The following CABP1 variants were observed in gnomAD, a reference collection of about 807,000 sequenced individuals.
CABP1 encodes the protein calcium-binding protein 1.
Under a neutral mutation model 34.3 loss-of-function variants are expected in CABP1, and 17 were observed. The observed-to-expected ratio is 0.50, with a 90% CI of 0.34 to 0.74. The LOEUF (loss-of-function observed/expected upper bound fraction) is 0.74, where lower values mean the gene tolerates loss of function less well. CABP1 is among the 30% of genes least tolerant of loss of function. The pLI, the probability that CABP1 is intolerant of heterozygous loss-of-function variation, is 0.01. For synonymous variants in CABP1, 198 were observed against 229.2 expected, an observed-to-expected ratio of 0.86 and a Z score of 1.23; for missense variants, 373 against 511.1, an observed-to-expected ratio of 0.73 and a Z score of 2.61.
At position 120,655,824 on chromosome 12, in the gene CABP1, TGC is replaced by T. The variant is rs751269881; in HGVS notation, c.655-4052_655-4051del. 273 of 1,469,600 alleles carry T rather than the reference TGC, an allele frequency of 1.9e-4. 1 individual carries two copies. In the South Asian group the frequency reaches 2.9e-3, roughly 16 times the overall value. 91.0% of individuals were successfully genotyped at this position (1,469,600 alleles called of 1,614,324 possible). ...CTGTGCATATGTATGTGCCAGTGCGTGCGTGCGTGTGTGTGTGTGTGTGTGTG... is the reference window on the plus strand; with the variant it reads ...CTGTGCATATGTATGTGCCAGTGCGTGTGCGTGTGTGTGTGTGTGTGTGTG... On this transcript the variant is annotated intron_variant, in intron 1 of 5. Transcript: ENST00000316803.
Position 120,661,801 on chromosome 12 carries a change from T to A in CABP1, c.1087+583T>A, listed in dbSNP as rs1341081018. The A allele has an allele frequency of 6.5e-6, 1 of 153,626 alleles. No individual in the cohort carries two copies. The highest frequency in any genetic ancestry group is 1.5e-5 in the Non-Finnish European group (1 of 68,926). 9.5% of individuals were successfully genotyped at this position (153,626 alleles called of 1,614,324 possible). ...TTTCATCTGTTTATCTCCTTATCTG[T>A]CCAGATGCCTATTTATCCATTCCTC... On this transcript the variant is annotated intron_variant, in intron 5 of 5. Coordinates refer to ENST00000316803, the MANE Select transcript of CABP1 (RefSeq NM_001033677.2). This position sits in a 1 kb window ranked among gnomAD's most constrained non-coding sequence, Gnocchi z 5.1.
chr12:120,646,492 C>T (rs1014054780), intron 1 of CABP1, among the ~76,000 whole-genome samples: 1 of 152,058 alleles, frequency 6.6e-6, no homozygotes, highest in African/African-American at 2.4e-5. Flanking sequence ...TACAGGAAGC[C>T]CCCACCGTTC....
chr12:120,679,305 T>C, the CABP1 span, among the ~76,000 whole-genome samples: 3 of 152,192 alleles, frequency 2.0e-5, no homozygotes, highest in East Asian at 3.9e-4. Context: ...GGAAAAGAAG[T>C]ATATTAGATG....
chr12:120,659,814 G>T (rs1880509295), intron 1 of CABP1, 64 bp from the exon 2 acceptor site: 5 of 1,543,824 alleles, frequency 3.2e-6, no homozygotes, highest in Admixed American at 1.7e-5. Context: ...TGGCCCCCAG[G>T]TTAGGTATTT....
chr12:120,678,453 C>A, the CABP1 span, among the ~76,000 whole-genome samples: 25 of 152,238 alleles, frequency 1.6e-4, no homozygotes, highest in African/African-American at 5.5e-4. Flanking sequence ...TCATCAAGGT[C>A]TTTTCTATTT....
At chr12:120,676,975 C>T in the CABP1 span, among the ~76,000 whole-genome samples, 7 of 152,152 alleles carry the variant, frequency 4.6e-5, no homozygotes, top group African/African-American at 9.6e-5. Context: ...CAGTGGTACA[C>T]GTCTGTAATC....
chr12:120,645,436 G>A (rs1403711583), intron 1 of CABP1, among the ~76,000 whole-genome samples: 1 of 152,152 alleles, frequency 6.6e-6, no homozygotes, highest in Non-Finnish European at 1.5e-5. Context: ...TCAGTCTAGA[G>A]CCCACTGCAC....
the CABP1 span, among the ~76,000 whole-genome samples, chr12:120,676,496 C>T: frequency 2.2e-4 from 34 of 152,002 alleles, no homozygotes; most frequent in African/African-American, 4.1e-4. Context: ...GATGTGATCT[C>T]GGCTCATCAC....
At chr12:120,651,162 T>C (rs1879819637) in intron 1 of CABP1, among the ~76,000 whole-genome samples, 1 of 132,446 alleles carries the variant, frequency 7.6e-6, no homozygotes, top group Non-Finnish European at 1.6e-5. Context: ...GTAGATCCCA[T>C]TGCTACTGAA....
At chr12:120,673,630 C>T in the CABP1 span, among the ~76,000 whole-genome samples, 2 of 152,022 alleles carry the variant, frequency 1.3e-5, no homozygotes, top group Non-Finnish European at 2.9e-5. Flanking sequence ...AGTGCAGGTT[C>T]AGGAGCCAGC....
At chr12:120,679,921 C>T in the CABP1 span, among the ~76,000 whole-genome samples, 2 of 152,048 alleles carry the variant, frequency 1.3e-5, no homozygotes, top group Non-Finnish European at 2.9e-5. Flanking sequence ...CCTGAAATCC[C>T]AATACTTGGG....
chr12:120,656,585 C>A (rs1880241796), intron 1 of CABP1, among the ~76,000 whole-genome samples: 1 of 152,066 alleles, frequency 6.6e-6, no homozygotes, highest in South Asian at 2.1e-4. Flanking sequence ...TTTTATCATC[C>A]CCATTTTACA....
At chr12:120,668,352 G>A (rs140078471), downstream of CABP1, among the ~76,000 whole-genome samples, 170 of 152,306 alleles carry the variant, frequency 1.1e-3, 1 homozygote, top group African/African-American at 3.9e-3. Context: ...TTAGCCGGGC[G>A]TGGTGGCATG....
At chr12:120,670,622 C>A (rs1881220851), downstream of CABP1, among the ~76,000 whole-genome samples, 1 of 152,158 alleles carries the variant, frequency 6.6e-6, no homozygotes, top group Admixed American at 6.6e-5. Flanking sequence ...GCAGTTCATG[C>A]CTGTAATCCC....
At chr12:120,653,140 G>T (rs543051918) in intron 1 of CABP1, among the ~76,000 whole-genome samples, 1 of 152,268 alleles carries the variant, frequency 6.6e-6, no homozygotes, top group Admixed American at 6.5e-5. Flanking sequence ...TTTCTTTCCT[G>T]ATTGGCAGAT....
chr12:120,663,400 G>A (rs927170791), intron 5 of CABP1, among the ~76,000 whole-genome samples: 8 of 151,874 alleles, frequency 5.3e-5, no homozygotes, highest in African/African-American at 1.5e-4. Flanking sequence ...TCAGCCTCCC[G>A]AGTAGCTGGG....
intron 1 of CABP1, among the ~76,000 whole-genome samples, chr12:120,653,621 G>A (rs569675815): frequency 6.6e-6 from 1 of 152,284 alleles, no homozygotes; most frequent in Non-Finnish European, 1.5e-5. Context: ...TGAAGCCTCT[G>A]CCTCCTGGGT....
At chr12:120,679,433 G>A in the CABP1 span, among the ~76,000 whole-genome samples, 1 of 152,192 alleles carries the variant, frequency 6.6e-6, no homozygotes, top group Admixed American at 6.5e-5. Context: ...AACGTTTTGA[G>A]GTCATTAAGA....
In CABP1 at chr12:120,654,828, T is replaced by C. The variant is rs1277558078; in HGVS notation, c.655-5050T>C. ...GTCTGTGGGCAGTGCGGACTTTTTA[T>C]AGCCGCATGGGAACCTTCAGGGCGG... On this transcript the variant is annotated intron_variant, in intron 1 of 5. Transcript: ENST00000316803. Among the ~76,000 whole-genome samples, 3 of 152,326 alleles carry C rather than the reference T, an allele frequency of 2.0e-5. No homozygotes were observed. The East Asian group carries it at 5.8e-4, about 29-fold the overall frequency.
Sources: gnomAD v4.1 joint callset for allele counts (sites outside exome capture counted in the v4.1 genomes callset) on GRCh38, gnomAD v4.1.1 for gene constraint, Gnocchi (gnomAD v3.1) non-coding constraint, MANE v1.5 for transcripts, NCBI Gene and HGNC (gene_info 2026-07-23, HGNC 2026-07-21) for gene names.